Variants in GRIN2A observed in about 807,000 individuals in gnomAD.
The protein encoded by GRIN2A is glutamate receptor ionotropic, NMDA 2A.
In GRIN2A, 22 loss-of-function variants were observed where a neutral mutation model predicts 113.4. The observed-to-expected ratio is 0.19, with a 90% CI of 0.14 to 0.28. The LOEUF (loss-of-function observed/expected upper bound fraction) is 0.28, where lower values mean the gene tolerates loss of function less well. GRIN2A is among the 10% of genes least tolerant of loss of function. The pLI is 1.00. For synonymous variants in GRIN2A, 827 were observed against 738.4 expected (o/e 1.12, Z -1.94); for missense variants, 1,502 against 1,887.0 (o/e 0.80, Z 3.78).
At chr16:9,966,295 T>C (rs187907793) in intron 2 of GRIN2A, among the ~76,000 whole-genome samples, 23 of 152,200 alleles carry the variant, frequency 1.5e-4, no homozygotes, top group East Asian at 5.8e-4. Flanking sequence ...CAAGGCCCCA[T>C]TGTGTGTTTT....
intron 2 of GRIN2A, among the ~76,000 whole-genome samples, chr16:10,040,180 G>A (rs1037291343): frequency 3.9e-5 from 1 of 25,746 alleles, no homozygotes; most frequent in Non-Finnish European, 7.5e-5. Flanking sequence ...ACATGCATAC[G>A]CCCACAAATA....
chr16:9,829,440 C>T lies in GRIN2A; in HGVS notation c.1990G>A (p.Gly664Ser). ...IQEEFVDQVTGLSDKKFQRPH... is the reference protein window; with the variant it reads ...IQEEFVDQVTSLSDKKFQRPH... ...GACCTTACCTTTTTGTCACTGAGGC[C>T]GGTCACTTGGTCCACAAATTCCTCT... Residue 664 changes from glycine (G) to serine (S), a missense_variant, in exon 9 of 13, where the codon GGC becomes AGC. By Grantham distance (56) the Gly-to-Ser change is moderately conservative. This residue lies in a region of GRIN2A where 101 missense variants were observed against 240.4 expected (regional missense o/e 0.42). Transcript: ENST00000330684. The T allele has an allele frequency of 6.2e-7, 1 of 1,612,452 alleles. No individual in the cohort carries two copies. The highest frequency in any genetic ancestry group is 8.5e-7 in the Non-Finnish European group (1 of 1,178,604).
At position 9,967,621 on chromosome 16, in the gene GRIN2A, G is replaced by A. The variant is rs373022428; in HGVS notation, c.415-29070C>T. On this transcript the variant is annotated intron_variant, in intron 2 of 12. Transcript: ENST00000330684. ...TTGGGGAGGCTGAGGCAGTAGAATC[G>A]CTTGAACCTGGAAGGTGGAGGTTTC... 5.4e-4 allele frequency among the ~76,000 whole-genome samples: 82 copies of A among 152,212 alleles called. No individual in the cohort carries two copies. In the South Asian group the frequency reaches 0.016, roughly 29 times the overall value.
chr16:9,957,186 GTGCTA>G (rs1567199525), intron 2 of GRIN2A, among the ~76,000 whole-genome samples: 2 of 152,160 alleles, frequency 1.3e-5, no homozygotes. Flanking sequence ...CTGGCCCTGT[GTGCTA>G]TCTCCCTAGG....
At chr16:10,087,807 T>C (rs2048110886) in intron 2 of GRIN2A, among the ~76,000 whole-genome samples, 1 of 151,798 alleles carries the variant, frequency 6.6e-6, no homozygotes, top group African/African-American at 2.4e-5. Flanking sequence ...CCACCTCAGC[T>C]TTCCAAGTAG....
intron 2 of GRIN2A, among the ~76,000 whole-genome samples, chr16:9,945,863 A>C (rs926907650): frequency 6.6e-6 from 1 of 152,120 alleles, no homozygotes; most frequent in East Asian, 1.9e-4. Context: ...CATTTAGTCA[A>C]CTGGTACTCT....
intron 10 of GRIN2A, among the ~76,000 whole-genome samples, chr16:9,802,184 G>T (rs1347953672): frequency 6.6e-6 from 1 of 152,148 alleles, no homozygotes; most frequent in Non-Finnish European, 1.5e-5. Flanking sequence ...CCTATACTGG[G>T]TATACACCCA....
chr16:10,121,374 T>G (rs2048829197), intron 2 of GRIN2A: 1 of 152,170 alleles, frequency 6.6e-6, no homozygotes, highest in African/African-American at 2.4e-5. Flanking sequence ...GTCCTCAAGC[T>G]TAGAAGCTGT....
At chr16:10,091,600 C>T (rs181633217) in intron 2 of GRIN2A, among the ~76,000 whole-genome samples, 46 of 152,024 alleles carry the variant, frequency 3.0e-4, no homozygotes, top group Middle Eastern at 3.4e-3. Flanking sequence ...CTGCAGTGAG[C>T]CACAGCCTGG....
At chr16:10,029,190 C>T (rs7193123) in intron 2 of GRIN2A, among the ~76,000 whole-genome samples, 13,787 of 151,982 alleles carry the variant, frequency 0.091, 709 homozygotes, top group Non-Finnish European at 0.11. Flanking sequence ...CCCAATTGCA[C>T]ACACTTTTTT....
intron 2 of GRIN2A, among the ~76,000 whole-genome samples, chr16:10,016,698 T>A (rs1281698082): frequency 2.6e-5 from 4 of 152,194 alleles, no homozygotes; most frequent in Admixed American, 6.5e-5. Flanking sequence ...ACTGGGTGAT[T>A]ATTCATGCAC....
intron 2 of GRIN2A, chr16:10,121,247 C>T (rs1414989974): frequency 3.3e-5 from 5 of 152,462 alleles, no homozygotes; most frequent in Admixed American, 3.3e-4. Context: ...TAAACCACTT[C>T]CAAGACCCAG....
chr16:10,139,641 T>C (rs1015859242), intron 2 of GRIN2A, among the ~76,000 whole-genome samples: 2 of 152,102 alleles, frequency 1.3e-5, no homozygotes, highest in Non-Finnish European at 2.9e-5. Flanking sequence ...GGATACCTTG[T>C]TAAAAAGGCA....
intron 3 of GRIN2A, among the ~76,000 whole-genome samples, chr16:9,898,209 G>C (rs1463880966): frequency 6.6e-6 from 1 of 151,970 alleles, no homozygotes; most frequent in African/African-American, 2.4e-5. Context: ...AGTTAACATT[G>C]ATGCAAATTT....
At position 10,127,754 on chromosome 16, in the gene GRIN2A, C is replaced by T. The variant is rs180836963; in HGVS notation, c.414+52244G>A. ...GAAGCAAGAAAAGGGCCAGCACCAC[C>T]GCTATCTACGTAAGTCATCCATACC... On this transcript the variant is annotated intron_variant, in intron 2 of 12. Transcript: ENST00000330684. Among the ~76,000 whole-genome samples, 6 of 152,252 alleles carry T rather than the reference C, an allele frequency of 3.9e-5. No homozygotes were observed. The East Asian group carries it at 9.6e-4, about 24-fold the overall frequency.
intron 2 of GRIN2A, among the ~76,000 whole-genome samples, chr16:10,157,612 G>A (rs964754002): frequency 2.0e-5 from 3 of 152,096 alleles, no homozygotes; most frequent in African/African-American, 7.2e-5. Context: ...GAAAGAGTGT[G>A]AGCATGCAGG....
At chr16:9,939,885 G>A (rs2044821033) in intron 2 of GRIN2A, among the ~76,000 whole-genome samples, 1 of 152,144 alleles carries the variant, frequency 6.6e-6, no homozygotes, top group Admixed American at 6.6e-5. Context: ...GTGCTGAGAT[G>A]TATTTCTTTC....
intron 4 of GRIN2A, among the ~76,000 whole-genome samples, chr16:9,853,574 A>T (rs1482483740): frequency 6.6e-6 from 1 of 152,202 alleles, no homozygotes; most frequent in Admixed American, 6.5e-5. Context: ...TTTATAAGCC[A>T]CCCAGTCTAT....
At chr16:10,020,217 GCCTGGCCAA>G (rs1191956531) in intron 2 of GRIN2A, among the ~76,000 whole-genome samples, 1 of 152,162 alleles carries the variant, frequency 6.6e-6, no homozygotes. Context: ...TTCAAGACCA[GCCTGGCCAA>G]CCTGGTAAAA....
Sources: gnomAD v4.1 joint callset for allele counts (sites outside exome capture counted in the v4.1 genomes callset) on GRCh38, gnomAD v4.1.1 for gene constraint, gnomAD v4.1.1 regional missense constraint, MANE v1.5 for transcripts, NCBI Gene and HGNC (gene_info 2026-07-23, HGNC 2026-07-21) for gene names.